The following TENM2 variants were observed in gnomAD, a reference collection of about 807,000 sequenced individuals.
TENM2 encodes the protein teneurin transmembrane protein 2.
A neutral mutation model predicts 245.2 loss-of-function variants in TENM2; 52 were observed. That is an observed-to-expected ratio of 0.21 (90% confidence interval 0.17 to 0.27). The LOEUF (loss-of-function observed/expected upper bound fraction) is 0.27. Among genes scored for constraint, TENM2 ranks in the 10% least tolerant of loss-of-function variants. The probability of loss-of-function intolerance (pLI) is 1.00; values close to 1 mark genes in which losing one functional copy is unlikely to be tolerated. For synonymous variants in TENM2, 1,363 were observed against 1,438.9 expected (o/e 0.95, Z 1.19); for missense variants, 3,046 against 3,666.8 (o/e 0.83, Z 4.37).
rs923986629 is a variant in TENM2, at chr5:168,047,673, A to G, written c.1309+124A>G. 16 of 1,194,396 alleles carry G rather than the reference A, an allele frequency of 1.3e-5. No homozygotes were observed. In the Admixed American group the frequency reaches 3.3e-4, roughly 24 times the overall value. 74.0% of individuals were successfully genotyped at this position (1,194,396 alleles called of 1,614,324 possible). ...GCCAAAAGAAAAAGAAACGGGGGGAAAAATCATTGCCTTTCATAGGTGCCC... is the reference window on the plus strand; with the variant it reads ...GCCAAAAGAAAAAGAAACGGGGGGAGAAATCATTGCCTTTCATAGGTGCCC... On this transcript the variant is annotated intron_variant, in intron 6 of 28. Transcript: ENST00000518659.
At chr5:168,128,465 A>G (rs564517371) in intron 12 of TENM2, among the ~76,000 whole-genome samples, 4 of 152,276 alleles carry the variant, frequency 2.6e-5, no homozygotes, top group African/African-American at 9.6e-5. Context: ...CTTGCCAATC[A>G]TCAGCGTTGA....
At chr5:168,105,519 G>C (rs78559078) in intron 9 of TENM2, among the ~76,000 whole-genome samples, 2 of 152,192 alleles carry the variant, frequency 1.3e-5, no homozygotes, top group Non-Finnish European at 2.9e-5. Flanking sequence ...GAGGATGCCT[G>C]TAAGGCATCA....
chr5:167,252,895 G>C, the TENM2 span, among the ~76,000 whole-genome samples: 8 of 152,084 alleles, frequency 5.3e-5, no homozygotes, highest in African/African-American at 1.7e-4. Flanking sequence ...TGTTCAGCTG[G>C]ATGCTTGACT....
chr5:167,322,236 G>GT (rs1449283696), intron 1 of TENM2, among the ~76,000 whole-genome samples: 1 of 149,496 alleles, frequency 6.7e-6, no homozygotes, highest in East Asian at 2.0e-4. Flanking sequence ...TGTTGCTGTT[G>GT]TTTTTTGTTT....
chr5:167,716,634 T>A (rs141010601), intron 2 of TENM2, among the ~76,000 whole-genome samples: 2 of 152,184 alleles, frequency 1.3e-5, no homozygotes, highest in African/African-American at 2.4e-5. Context: ...TAAAATGAGC[T>A]TTACAGCTTC....
the TENM2 span, chr5:167,119,401 C>G: frequency 4.6e-5 from 7 of 152,072 alleles, no homozygotes; most frequent in Non-Finnish European, 2.9e-5. Flanking sequence ...CGCATTTAGT[C>G]CATTTTGTGC....
At chr5:167,691,658 A>G (rs2150406851) in intron 2 of TENM2, among the ~76,000 whole-genome samples, 1 of 152,240 alleles carries the variant, frequency 6.6e-6, no homozygotes, top group Admixed American at 6.5e-5. Context: ...TTTTAGAAAG[A>G]GTAGGGTCAT....
the TENM2 span, among the ~76,000 whole-genome samples, chr5:167,152,273 C>T: frequency 4.6e-5 from 7 of 152,204 alleles, no homozygotes; most frequent in African/African-American, 9.6e-5. Context: ...ACTGGAAAGC[C>T]GCATACCTGC....
At chr5:168,216,450 G>A (rs1274571243) in intron 21 of TENM2, among the ~76,000 whole-genome samples, 1 of 152,192 alleles carries the variant, frequency 6.6e-6, no homozygotes, top group Non-Finnish European at 1.5e-5. Flanking sequence ...TCTAAGGAGA[G>A]CAGATGCAAA....
chr5:167,898,639 A>C (rs1775440301), intron 3 of TENM2, among the ~76,000 whole-genome samples: 1 of 152,220 alleles, frequency 6.6e-6, no homozygotes, highest in Non-Finnish European at 1.5e-5. Context: ...ACAGATATTT[A>C]GTTGATTACT....
intron 4 of TENM2, among the ~76,000 whole-genome samples, chr5:167,989,434 A>C (rs1240180360): frequency 6.6e-6 from 1 of 152,146 alleles, no homozygotes; most frequent in African/African-American, 2.4e-5. Context: ...CATTTGATTC[A>C]ATTGAACGGG....
chr5:167,132,483 T>A, the TENM2 span, among the ~76,000 whole-genome samples: 1 of 152,068 alleles, frequency 6.6e-6, no homozygotes, highest in African/African-American at 2.4e-5. Flanking sequence ...GCCAAGCAGA[T>A]TTGCCCTCTT....
chr5:167,215,495 A>G, the TENM2 span, among the ~76,000 whole-genome samples: 1 of 152,176 alleles, frequency 6.6e-6, no homozygotes, highest in Non-Finnish European at 1.5e-5. Context: ...CAACTGAAAG[A>G]GGCAGGGAGC....
At chr5:168,062,703 A>C (rs913255439) in intron 7 of TENM2, among the ~76,000 whole-genome samples, 1 of 152,220 alleles carries the variant, frequency 6.6e-6, no homozygotes, top group African/African-American at 2.4e-5. Flanking sequence ...AAAGGAATGG[A>C]GTATTGTTAC....
chr5:167,056,304 T>C, the TENM2 span, among the ~76,000 whole-genome samples: 1 of 151,592 alleles, frequency 6.6e-6, no homozygotes, highest in Non-Finnish European at 1.5e-5. Flanking sequence ...ATTTCTCCTT[T>C]ATTTGAATGA....
the TENM2 span, among the ~76,000 whole-genome samples, chr5:167,006,472 A>G: frequency 2.0e-5 from 3 of 152,296 alleles, no homozygotes; most frequent in Admixed American, 2.0e-4. Context: ...AAAAGAAGAA[A>G]CTTTTAAAAT....
At chr5:167,422,421 T>C (rs1439121534) in intron 2 of TENM2, among the ~76,000 whole-genome samples, 1 of 152,184 alleles carries the variant, frequency 6.6e-6, no homozygotes, top group South Asian at 2.1e-4. Flanking sequence ...TTTTAGGAAC[T>C]TCACTGGCCC....
upstream of TENM2, among the ~76,000 whole-genome samples, chr5:167,282,040 TC>T (rs1771097229): frequency 6.7e-6 from 1 of 150,120 alleles, no homozygotes; most frequent in African/African-American, 2.4e-5. Context: ...CCTTTAAGCT[TC>T]CACTCTGAGC....
intron 4 of TENM2, among the ~76,000 whole-genome samples, chr5:167,956,840 G>A (rs1395612617): frequency 6.6e-6 from 1 of 152,030 alleles, no homozygotes; most frequent in Non-Finnish European, 1.5e-5. Context: ...TCATGGTGGA[G>A]AAGCTTTTTG....
Sources: gnomAD v4.1 joint callset for allele counts (sites outside exome capture counted in the v4.1 genomes callset) on GRCh38, gnomAD v4.1.1 for gene constraint, MANE v1.5 for transcripts, NCBI Gene and HGNC (gene_info 2026-07-23, HGNC 2026-07-21) for gene names.